Variants in SLCO4C1 observed in about 807,000 individuals in gnomAD.
SLCO4C1 encodes organic anion transporter M1.
In SLCO4C1, 58 loss-of-function variants were observed where a neutral mutation model predicts 72.1. The observed-to-expected ratio is 0.80, with a 90% CI of 0.65 to 1.00. The LOEUF is 1.00. Ranked by LOEUF, SLCO4C1 falls within the 50% of genes least tolerant of loss-of-function variation. The probability of loss-of-function intolerance (pLI) is 0.00; values close to 1 mark genes in which losing one functional copy is unlikely to be tolerated. For missense variants in SLCO4C1, 898 were observed against 857.9 expected, an observed-to-expected ratio of 1.05 and a Z score of -0.58; for synonymous variants, 297 against 312.5, an observed-to-expected ratio of 0.95 and a Z score of 0.52.
chr5:102,280,090 C>CAAAAAAAAAAAA (rs36217271), intron 2 of SLCO4C1, among the ~76,000 whole-genome samples: 30 of 68,846 alleles, frequency 4.4e-4, no homozygotes, highest in East Asian at 6.3e-4. Context: ...TGCAATAAGG[C>CAAAAAAAAAAAA]AAAAAAAAAA....
intron 10 of SLCO4C1, among the ~76,000 whole-genome samples, chr5:102,245,468 G>A (rs184532538): frequency 6.6e-6 from 1 of 152,200 alleles, no homozygotes; most frequent in African/African-American, 2.4e-5. Flanking sequence ...TAATGATCAA[G>A]GGGTGAATTC....
At position 102,236,583 on chromosome 5, in the gene SLCO4C1, T is replaced by TGTGTGTGTGTGTGC. The variant is rs1748436684; in HGVS notation, c.*274_*275insGCACACACACACAC. On this transcript the variant is annotated 3_prime_UTR_variant, in exon 13 of 13. Transcript: ENST00000310954. ...TAGGAAATAAGTGTGTATGTGTGCG[T>TGTGTGTGTGTGTGC]GTGTGTGTGTGTGTGTGTGTTCGTG... The TGTGTGTGTGTGTGC allele has an allele frequency of 1.2e-5, 1 of 84,090 alleles. No homozygotes were observed. Among genetic ancestry groups the TGTGTGTGTGTGTGC allele is most frequent in the Admixed American group, 1.3e-4 (1 of 7,908 alleles). The allele number at this position is 84,090 out of a possible 1,614,324, so 5.2% of individuals were successfully genotyped here. A position where few individuals can be genotyped will look rare whatever the true frequency, so the allele number is the denominator to read the frequency against.
chr5:102,238,761 A>T (rs1748483938), intron 12 of SLCO4C1, among the ~76,000 whole-genome samples: 1 of 152,154 alleles, frequency 6.6e-6, no homozygotes, highest in South Asian at 2.1e-4. Context: ...CTTAACCAAG[A>T]CATTACAAAC....
chr5:102,270,836 A>G, intron 2 of SLCO4C1, 30 bp from the exon 3 acceptor site: 5 of 1,502,724 alleles, frequency 3.3e-6, no homozygotes, highest in Non-Finnish European at 4.5e-6. Flanking sequence ...GTGAATTTAT[A>G]GAAATTCAGC....
At chr5:102,238,188 TG>T (rs1280847514) in intron 12 of SLCO4C1, among the ~76,000 whole-genome samples, 2 of 152,182 alleles carry the variant, frequency 1.3e-5, no homozygotes, top group African/African-American at 4.8e-5. Flanking sequence ...ATATATTTTG[TG>T]GGGGGATTCC....
Position 102,270,764 on chromosome 5 carries a change from G to A in SLCO4C1, c.662C>T (p.Ser221Leu), listed in dbSNP as rs1749137182. 6.2e-7 allele frequency: 1 copy of A among 1,612,200 alleles called. No individual in the cohort carries two copies. The highest frequency in any genetic ancestry group is 8.5e-7 in the Non-Finnish European group (1 of 1,179,032). Residue 221 changes from serine (S) to leucine (L), a missense_variant, in exon 3 of 13, where the codon TCA (serine) becomes TTA (leucine). Ser to Leu is a moderately radical substitution (Grantham distance 145, BLOSUM62 -2). Coordinates refer to ENST00000310954, the MANE Select transcript of SLCO4C1 (RefSeq NM_180991.5). ...CAAGTAGTTAGAAAGTGAAGAAGTT[G>A]AAGATGTACAACTGGTGCTATTCCT... is the stretch of plus-strand genomic sequence containing the variant. ...TTRNSTSCTS[S>L]TSSLSNYLYV...
chr5:102,295,802 G>A, intron 1 of SLCO4C1, 106 bp downstream of exon 1: 1 of 1,165,338 alleles, frequency 8.6e-7, no homozygotes, highest in Non-Finnish European at 1.2e-6. Context: ...TGCAGGGCGC[G>A]TCCACCGTCC....
At chr5:102,272,489 T>C (rs966542483) in intron 2 of SLCO4C1, among the ~76,000 whole-genome samples, 1 of 151,884 alleles carries the variant, frequency 6.6e-6, no homozygotes, top group African/African-American at 2.4e-5. Flanking sequence ...TCATTCAAAG[T>C]TGAATAATAA....
intron 3 of SLCO4C1, among the ~76,000 whole-genome samples, chr5:102,265,864 A>G (rs558494300): frequency 6.6e-6 from 1 of 152,210 alleles, no homozygotes; most frequent in Admixed American, 6.5e-5. Flanking sequence ...TGGAATTTTG[A>G]TAGGGATTGC....
At chr5:102,266,676 A>AGAAAAG (rs1554058257) in intron 3 of SLCO4C1, among the ~76,000 whole-genome samples, 2 of 151,784 alleles carry the variant, frequency 1.3e-5, no homozygotes, top group African/African-American at 4.9e-5. Context: ...AGAAAAGAAA[A>AGAAAAG]AAAACAGAAA....
chr5:102,275,597 G>A (rs1749233312), intron 2 of SLCO4C1, among the ~76,000 whole-genome samples: 1 of 152,108 alleles, frequency 6.6e-6, no homozygotes, highest in African/African-American at 2.4e-5. Flanking sequence ...AATACACTTG[G>A]ACTACTGAGA....
chr5:102,256,250 A>C (rs908633650), intron 8 of SLCO4C1, among the ~76,000 whole-genome samples: 3 of 152,202 alleles, frequency 2.0e-5, no homozygotes, highest in African/African-American at 4.8e-5. Context: ...TTAACTAAAC[A>C]CTGCTTTAGA....
intron 2 of SLCO4C1, among the ~76,000 whole-genome samples, chr5:102,286,289 G>A (rs1466653024): frequency 6.6e-6 from 1 of 152,066 alleles, no homozygotes; most frequent in Admixed American, 6.6e-5. Context: ...AATAAAAAGA[G>A]CTTTACTAGG....
chr5:102,260,861 T>A (rs1054912301), intron 5 of SLCO4C1, among the ~76,000 whole-genome samples: 2 of 152,118 alleles, frequency 1.3e-5, no homozygotes, highest in Non-Finnish European at 2.9e-5. Context: ...AGTTAACATA[T>A]GGAACTATAA....
chr5:102,252,167 G>A (rs1034830563), intron 8 of SLCO4C1, among the ~76,000 whole-genome samples: 3 of 150,246 alleles, frequency 2.0e-5, no homozygotes, highest in African/African-American at 7.3e-5. Context: ...AGGAGGAGAA[G>A]CAAACCTCTG....
Position 102,249,667 on chromosome 5 carries a change from A to G in SLCO4C1, c.1591T>C (p.Ser531Pro), listed in dbSNP as rs1335483340. Reference protein sequence around the residue: ...QYFSPCFAGCSNPVAHRKPKV... With the variant: ...QYFSPCFAGCPNPVAHRKPKV... ...GGCTTCCTGTGTGCAACTGGGTTTG[A>G]ACAGCCTGCAAAGCAGGGAGAAAAA... is the stretch of plus-strand genomic sequence containing the variant. The change falls in exon 9 of 13, where the codon TCA (serine) becomes CCA (proline). Residue 531 changes from serine (S) to proline (P), a missense_variant. By Grantham distance (74) the Ser-to-Pro change is moderately conservative. Transcript: ENST00000310954. 1.9e-6 allele frequency: 3 copies of G among 1,613,734 alleles called. No individual in the cohort carries two copies. The Admixed American group carries it at 5.0e-5, about 27-fold the overall frequency.
intron 3 of SLCO4C1, among the ~76,000 whole-genome samples, chr5:102,266,714 G>A (rs1749048010): frequency 6.6e-6 from 1 of 152,128 alleles, no homozygotes; most frequent in African/African-American, 2.4e-5. Flanking sequence ...TCAGTTCTTA[G>A]AGGAAAGGCT....
intron 9 of SLCO4C1, among the ~76,000 whole-genome samples, chr5:102,248,031 G>T (rs539030006): frequency 6.8e-6 from 1 of 146,810 alleles, no homozygotes; most frequent in East Asian, 2.0e-4. Flanking sequence ...TACATATTCA[G>T]CAATCAGATA....
At chr5:102,268,525 T>C (rs1749087979) in intron 3 of SLCO4C1, among the ~76,000 whole-genome samples, 1 of 152,178 alleles carries the variant, frequency 6.6e-6, no homozygotes, top group Non-Finnish European at 1.5e-5. Context: ...AGGCAGCATA[T>C]GGTTAGATAT....
Sources: gnomAD v4.1 joint callset for allele counts (sites outside exome capture counted in the v4.1 genomes callset) on GRCh38, gnomAD v4.1.1 for gene constraint, MANE v1.5 for transcripts, NCBI Gene and HGNC (gene_info 2026-07-23, HGNC 2026-07-21) for gene names.